Variants in FANCB observed in about 807,000 individuals in gnomAD.
FANCB encodes FA complementation group B.
Under a neutral mutation model 38.9 loss-of-function variants are expected in FANCB, and 5 were observed. The ratio of observed to expected loss-of-function variants is 0.13; its 90% CI spans 0.07 to 0.27. FANCB has a LOEUF of 0.27. FANCB is among the 10% of genes least tolerant of loss of function. The pLI is 1.00. For synonymous variants in FANCB, 236 were observed against 215.4 expected (o/e 1.10, Z -0.84); for missense variants, 573 against 602.7 (o/e 0.95, Z 0.52).
chrX:14,734,274 A>C, the FANCB span, among the ~76,000 whole-genome samples: 1 of 112,184 alleles, frequency 8.9e-6, no homozygotes. Context: ...TTAGAGAAAC[A>C]AAATGAAACT....
the FANCB span, among the ~76,000 whole-genome samples, chrX:14,779,216 A>T: frequency 8.9e-6 from 1 of 112,442 alleles, no homozygotes; most frequent in African/African-American, 3.2e-5. Flanking sequence ...TCCTGAGAGC[A>T]CTTCTTTAAG....
At chrX:14,753,798 G>A in the FANCB span, among the ~76,000 whole-genome samples, 1 of 112,107 alleles carries the variant, frequency 8.9e-6, no homozygotes, top group Non-Finnish European at 1.9e-5. Flanking sequence ...CCAGCCTAGG[G>A]TCAGTGTGGC....
At chrX:14,708,586 G>A in the FANCB span, among the ~76,000 whole-genome samples, 1 of 111,783 alleles carries the variant, frequency 8.9e-6, no homozygotes, top group African/African-American at 3.3e-5. Context: ...TTCAAGCTGT[G>A]TCATCCTCAG....
At chrX:14,733,150 T>G in the FANCB span, among the ~76,000 whole-genome samples, 4,379 of 112,000 alleles carry the variant, frequency 0.039, 223 homozygotes, top group African/African-American at 0.13. Flanking sequence ...TTCTTGTTTT[T>G]GGCAGGTTTG....
chrX:14,697,912 T>G, the FANCB span, among the ~76,000 whole-genome samples: 25 of 112,523 alleles, frequency 2.2e-4, no homozygotes, highest in Non-Finnish European at 4.3e-4. Context: ...ATAAAACTTT[T>G]TTTTACTTTG....
intron 2 of FANCB, among the ~76,000 whole-genome samples, chrX:14,867,565 T>TA (rs768411025): frequency 1.8e-5 from 2 of 111,017 alleles, no homozygotes; most frequent in East Asian, 2.8e-4. Context: ...TCTCACCATA[T>TA]AAAAAATCAA....
the FANCB span, among the ~76,000 whole-genome samples, chrX:14,811,864 C>A: frequency 8.9e-6 from 1 of 111,791 alleles, no homozygotes; most frequent in Non-Finnish European, 1.9e-5. Flanking sequence ...AATATACATT[C>A]TTTTCAGCAC....
downstream of FANCB, among the ~76,000 whole-genome samples, chrX:14,835,659 A>G (rs1017833224): frequency 1.8e-5 from 2 of 111,546 alleles, no homozygotes; most frequent in African/African-American, 6.5e-5. Flanking sequence ...TGATGTAGAG[A>G]AAAAAAAGTG....
chrX:14,765,611 T>C, the FANCB span, among the ~76,000 whole-genome samples: 1 of 110,017 alleles, frequency 9.1e-6, no homozygotes, highest in Non-Finnish European at 1.9e-5. Context: ...ACAGGACTTC[T>C]TGTTAGGGAA....
the FANCB span, among the ~76,000 whole-genome samples, chrX:14,804,798 C>A: frequency 7.2e-5 from 8 of 111,673 alleles, no homozygotes; most frequent in African/African-American, 2.6e-4. Flanking sequence ...GATTATATTT[C>A]ATCCTCTTCC....
the FANCB span, among the ~76,000 whole-genome samples, chrX:14,773,806 C>A: frequency 8.9e-6 from 1 of 111,772 alleles, no homozygotes; most frequent in Non-Finnish European, 1.9e-5. Context: ...CTGGTACCTT[C>A]TCCATGAAGT....
At chrX:14,827,839 C>CT in the FANCB span, among the ~76,000 whole-genome samples, 5 of 111,670 alleles carry the variant, frequency 4.5e-5, no homozygotes, top group African/African-American at 1.6e-4. Context: ...ACACTTGTAG[C>CT]TTTAAAAAAT....
the FANCB span, among the ~76,000 whole-genome samples, chrX:14,769,025 G>A: frequency 9.0e-6 from 1 of 111,477 alleles, no homozygotes; most frequent in Non-Finnish European, 1.9e-5. Context: ...GATCATGGTG[G>A]ATAAACTTTT....
At chrX:14,800,218 T>C in the FANCB span, among the ~76,000 whole-genome samples, 1 of 112,063 alleles carries the variant, frequency 8.9e-6, no homozygotes, top group South Asian at 3.7e-4. Flanking sequence ...CACTCATGTC[T>C]AATGGCTCAG....
chrX:14,775,278 T>C, the FANCB span, among the ~76,000 whole-genome samples: 2 of 106,593 alleles, frequency 1.9e-5, no homozygotes, highest in African/African-American at 3.4e-5. Flanking sequence ...CGCGCTTCTA[T>C]ACTTGAAGAC....
chrX:14,871,954 A>C (rs1380386997), intron 1 of FANCB, among the ~76,000 whole-genome samples: 3 of 110,760 alleles, frequency 2.7e-5, no homozygotes, highest in African/African-American at 9.9e-5. Context: ...GGAGAAACTG[A>C]GGCAAGGAGT....
chrX:14,854,595 C>G (rs1420056993), intron 5 of FANCB, among the ~76,000 whole-genome samples: 1 of 111,804 alleles, frequency 8.9e-6, no homozygotes. Context: ...TTCCTTTGCA[C>G]AAACAAAAAC....
intron 2 of FANCB, among the ~76,000 whole-genome samples, chrX:14,866,607 G>C (rs1027925922): frequency 1.8e-5 from 2 of 111,196 alleles, no homozygotes; most frequent in Non-Finnish European, 3.8e-5. Flanking sequence ...TTGTAAGAAA[G>C]GTAACTTGAG....
At chrX:14,726,976 C>T in the FANCB span, among the ~76,000 whole-genome samples, 3 of 110,749 alleles carry the variant, frequency 2.7e-5, no homozygotes, top group African/African-American at 1.0e-4. Context: ...TCTGCAGATA[C>T]GCAAAGGAAA....
Sources: gnomAD v4.1 joint callset for allele counts (sites outside exome capture counted in the v4.1 genomes callset) on GRCh38, gnomAD v4.1.1 for gene constraint, MANE v1.5 for transcripts, NCBI Gene and HGNC (gene_info 2026-07-23, HGNC 2026-07-21) for gene names.